The following ANK2 variants were observed in gnomAD, a reference collection of about 807,000 sequenced individuals.
The protein encoded by ANK2 is ankyrin 2, also known as ankyrin-2.
ANK2 carries 83 observed loss-of-function variants against 360.5 expected under a neutral mutation model. The observed-to-expected ratio is 0.23, with a 90% CI of 0.19 to 0.28. ANK2 has a LOEUF of 0.28. Ranked by LOEUF, ANK2 falls within the 10% of genes least tolerant of loss-of-function variation. The probability of loss-of-function intolerance (pLI) is 1.00; values close to 1 mark genes in which losing one functional copy is unlikely to be tolerated. For synonymous variants in ANK2, 1,740 were observed against 1,759.5 expected (o/e 0.99, Z 0.28); for missense variants, 4,201 against 4,795.7 (o/e 0.88, Z 3.66).
intron 1 of ANK2, among the ~76,000 whole-genome samples, chr4:113,168,063 G>C (rs2097811351): frequency 6.6e-6 from 1 of 152,180 alleles, no homozygotes; most frequent in South Asian, 2.1e-4. Flanking sequence ...CTTTGAAAGA[G>C]ATAGAATTGG....
At chr4:113,292,310 C>T (rs924850834) in intron 20 of ANK2, 106 bp from the exon 21 acceptor site, 5 of 1,029,114 alleles carry the variant, frequency 4.9e-6, no homozygotes, top group African/African-American at 1.6e-5. Context: ...AATAAAGCAT[C>T]TGTGATGGTT....
At chr4:112,923,292 T>C (rs566891248) in intron 2 of ANK2, among the ~76,000 whole-genome samples, 1 of 152,320 alleles carries the variant, frequency 6.6e-6, no homozygotes, top group East Asian at 1.9e-4. Context: ...TGTTGTTTCA[T>C]TGCCTTTTTC....
chr4:112,917,381 A>G (rs1347918414), intron 2 of ANK2, among the ~76,000 whole-genome samples: 1 of 152,164 alleles, frequency 6.6e-6, no homozygotes, highest in African/African-American at 2.4e-5. Context: ...TTTAGATTTG[A>G]TGTCCTGAAG....
chr4:113,048,969 T>C (rs2065772609), upstream of ANK2, among the ~76,000 whole-genome samples: 1 of 144,948 alleles, frequency 6.9e-6, no homozygotes, highest in Non-Finnish European at 1.5e-5. Flanking sequence ...CACACACTCC[T>C]GATCTAAAGC....
chr4:112,875,725 G>T (rs1382212754), intron 1 of ANK2, among the ~76,000 whole-genome samples: 1 of 151,564 alleles, frequency 6.6e-6, no homozygotes, highest in African/African-American at 2.4e-5. Flanking sequence ...ATATTTGTGT[G>T]TGTGTGGTTT....
chr4:113,067,740 G>A (rs551220480), intron 1 of ANK2, among the ~76,000 whole-genome samples: 7 of 152,196 alleles, frequency 4.6e-5, no homozygotes, highest in East Asian at 1.9e-4. Flanking sequence ...TGCCCCCAGA[G>A]ATGATTTCCT....
chr4:112,949,011 C>T (rs1023137606), intron 2 of ANK2, among the ~76,000 whole-genome samples: 1 of 152,114 alleles, frequency 6.6e-6, no homozygotes, highest in African/African-American at 2.4e-5. Flanking sequence ...TGGGATTTCT[C>T]CTATTAACTT....
At chr4:112,939,032 A>T (rs920943087) in intron 2 of ANK2, among the ~76,000 whole-genome samples, 2 of 152,224 alleles carry the variant, frequency 1.3e-5, no homozygotes, top group Non-Finnish European at 2.9e-5. Context: ...TTCATATATG[A>T]AAACAAGTTT....
the ANK2 span, among the ~76,000 whole-genome samples, chr4:112,719,287 A>G: frequency 6.6e-6 from 1 of 152,056 alleles, no homozygotes; most frequent in Admixed American, 6.6e-5. Flanking sequence ...ATGTAATACC[A>G]CCTCCTCATG....
intron 7 of ANK2, among the ~76,000 whole-genome samples, chr4:113,239,791 A>G (rs1292366433): frequency 6.6e-6 from 1 of 152,170 alleles, no homozygotes; most frequent in African/African-American, 2.4e-5. Flanking sequence ...TTGTATTGAT[A>G]AAATTTGTTT....
chr4:113,359,056 G>A lies in ANK2; in HGVS notation c.10438G>A (p.Glu3480Lys). The A allele has an allele frequency of 6.2e-7, 1 of 1,614,110 alleles. No individual in the cohort carries two copies. The highest frequency in any genetic ancestry group is 8.5e-7 in the Non-Finnish European group (1 of 1,179,964). The change falls in exon 38 of 46, where the codon GAG (glutamate) becomes AAG (lysine). Residue 3480 changes from glutamate to lysine, a missense_variant. Physicochemically the swap from Glu to Lys is moderately conservative, Grantham distance 56. Transcript: ENST00000357077. ...CAGAAATTCCATAGAATTCTTTGAG[G>A]AGATTAGTGATGAGGCTTCCAAATT... Reference protein sequence around the residue: ...LYRNSIEFFEEISDEASKLVD... With the variant: ...LYRNSIEFFEKISDEASKLVD...
At chr4:113,347,100 C>CA (rs2094946337) in intron 35 of ANK2, among the ~76,000 whole-genome samples, 1 of 151,946 alleles carries the variant, frequency 6.6e-6, no homozygotes, top group Non-Finnish European at 1.5e-5. Flanking sequence ...CATCACAAAA[C>CA]AAAAAAGTCC....
At chr4:112,847,960 T>C (rs1449072574) in intron 1 of ANK2, among the ~76,000 whole-genome samples, 1 of 152,166 alleles carries the variant, frequency 6.6e-6, no homozygotes, top group African/African-American at 2.4e-5. Flanking sequence ...TATAGGTCTA[T>C]GTTTGTTCCT....
chr4:113,093,750 G>T (rs1220446912), intron 1 of ANK2, among the ~76,000 whole-genome samples: 2 of 152,176 alleles, frequency 1.3e-5, no homozygotes, highest in African/African-American at 4.8e-5. Flanking sequence ...TCATCTAGGT[G>T]ATATATGCCT....
intron 10 of ANK2, among the ~76,000 whole-genome samples, chr4:113,251,475 CTTTTTTTTTTTTT>C (rs1167630240): frequency 1.1e-5 from 1 of 88,098 alleles, no homozygotes; most frequent in Non-Finnish European, 2.1e-5. Flanking sequence ...AATACAAAAT[CTTTTTTTTTTTTT>C]TTTTTTTTTT....
At position 113,292,396 on chromosome 4, in the gene ANK2, GCCACC is replaced by G; in HGVS notation, c.2278-19_2278-15del. ...CCTCTGCCAATCGGGTGCTGGGCCC[GCCACC>G]ACTGTCCTCCACAGAACGGCTACAC... On this transcript the variant is annotated splice_polypyrimidine_tract_variant and intron_variant, in intron 20 of 45. Transcript: ENST00000357077. 6.3e-7 allele frequency: 1 copy of G among 1,599,914 alleles called. No homozygotes were observed. Among genetic ancestry groups the G allele is most frequent in the Non-Finnish European group, 8.5e-7 (1 of 1,172,052 alleles).
intron 22 of ANK2, among the ~76,000 whole-genome samples, chr4:113,297,619 T>A (rs1469901841): frequency 6.6e-6 from 1 of 152,150 alleles, no homozygotes; most frequent in African/African-American, 2.4e-5. Context: ...TAAAGTCATT[T>A]GACACCTTTT....
chr4:112,976,727 C>G (rs2041561854), intron 2 of ANK2, among the ~76,000 whole-genome samples: 1 of 151,308 alleles, frequency 6.6e-6, no homozygotes, highest in Non-Finnish European at 1.5e-5. Flanking sequence ...TTTTTTTCCC[C>G]TTTAAGAGAG....
At chr4:113,321,371 G>A (rs181708105) in intron 26 of ANK2, among the ~76,000 whole-genome samples, 39 of 152,320 alleles carry the variant, frequency 2.6e-4, no homozygotes, top group African/African-American at 4.3e-4. Flanking sequence ...AAATGGCAGC[G>A]TCAATGTGGT....
Sources: allele counts gnomAD v4.1 joint callset (sites outside exome capture counted in the v4.1 genomes callset), GRCh38; gene constraint gnomAD v4.1.1; transcripts MANE v1.5; gene names NCBI Gene and HGNC (gene_info 2026-07-23, HGNC 2026-07-21).